The following PLXNA2 variants were observed in gnomAD, a reference collection of about 807,000 sequenced individuals.
The protein encoded by PLXNA2 is plexin A2.
Under a neutral mutation model 193.5 loss-of-function variants are expected in PLXNA2, and 91 were observed. The observed-to-expected ratio is 0.47, with a 90% CI of 0.40 to 0.56. The LOEUF (loss-of-function observed/expected upper bound fraction) is 0.56. PLXNA2 is among the 20% of genes least tolerant of loss of function. The pLI is 0.00. For missense variants in PLXNA2, 1,995 were observed against 2,503.2 expected (o/e 0.80, Z 4.33); for synonymous variants, 997 against 1,027.3 (o/e 0.97, Z 0.56).
At chr1:208,050,917 G>C (rs138160032) in intron 17 of PLXNA2, 92 bp downstream of exon 17, 1 of 863,648 alleles carries the variant, frequency 1.2e-6, no homozygotes, top group Non-Finnish European at 1.9e-6. Context: ...GTATTCAGAG[G>C]CTCCAGTGCC....
At chr1:208,162,063 G>A (rs978608138) in intron 3 of PLXNA2, among the ~76,000 whole-genome samples, 7 of 152,316 alleles carry the variant, frequency 4.6e-5, no homozygotes, top group South Asian at 2.1e-4. Context: ...GAGGCCAAGC[G>A]TAAATCCTGC....
At chr1:208,215,618 A>AGATG (rs575256326) in intron 2 of PLXNA2, among the ~76,000 whole-genome samples, 2 of 151,546 alleles carry the variant, frequency 1.3e-5, no homozygotes, top group East Asian at 2.0e-4. Context: ...ATAGGTGAAT[A>AGATG]GATGGATGGA....
At chr1:208,222,785 A>G (rs887471259) in intron 1 of PLXNA2, among the ~76,000 whole-genome samples, 3 of 152,142 alleles carry the variant, frequency 2.0e-5, no homozygotes, top group Non-Finnish European at 2.9e-5. Flanking sequence ...GCTGGTGGAA[A>G]GAGAATTTAG....
chr1:208,182,470 T>G (rs1334845190), intron 3 of PLXNA2, among the ~76,000 whole-genome samples: 1 of 151,802 alleles, frequency 6.6e-6, no homozygotes, highest in Non-Finnish European at 1.5e-5. Context: ...AAAAAAGAAA[T>G]CAGAACCACC....
At chr1:208,109,542 ATCTC>A (rs1667394621) in intron 4 of PLXNA2, among the ~76,000 whole-genome samples, 2 of 152,232 alleles carry the variant, frequency 1.3e-5, no homozygotes, top group African/African-American at 4.8e-5. Context: ...CACACACATT[ATCTC>A]ATTTGATCTG....
At chr1:208,199,520 G>A (rs1254352526) in intron 3 of PLXNA2, among the ~76,000 whole-genome samples, 33 of 151,960 alleles carry the variant, frequency 2.2e-4, no homozygotes, top group Middle Eastern at 3.2e-3. Flanking sequence ...TTGAAACCCC[G>A]TCTCTACTAA....
At chr1:208,074,226 A>G (rs1666069082) in intron 12 of PLXNA2, among the ~76,000 whole-genome samples, 1 of 152,108 alleles carries the variant, frequency 6.6e-6, no homozygotes, top group African/African-American at 2.4e-5. Context: ...TGTGGCTCCT[A>G]ACACCCTCCT....
intron 8 of PLXNA2, among the ~76,000 whole-genome samples, chr1:208,094,013 C>CAT (rs1038907157): frequency 6.6e-6 from 1 of 152,158 alleles, no homozygotes; most frequent in Non-Finnish European, 1.5e-5. Context: ...GCTCACAGGC[C>CAT]ATAGTATGTT....
At chr1:208,112,650 C>T (rs1400648994) in intron 4 of PLXNA2, among the ~76,000 whole-genome samples, 1 of 152,124 alleles carries the variant, frequency 6.6e-6, no homozygotes, top group African/African-American at 2.4e-5. Context: ...TGAAGCCACC[C>T]GGCCTCTTGG....
intron 12 of PLXNA2, among the ~76,000 whole-genome samples, chr1:208,075,439 A>T (rs754552517): frequency 2.4e-4 from 36 of 152,300 alleles, no homozygotes; most frequent in Admixed American, 5.2e-4. Flanking sequence ...AAGGTACATG[A>T]GGTTGATTTT....
Position 208,027,329 on chromosome 1 carries a change from C to A in PLXNA2, c.5599G>T (p.Ala1867Ser), listed in dbSNP as rs763449314. The A allele has an allele frequency of 6.2e-7, 1 of 1,612,716 alleles. No homozygotes were observed. Among genetic ancestry groups the A allele is most frequent in the Non-Finnish European group, 8.5e-7 (1 of 1,179,890 alleles). Residue 1867 changes from alanine to serine, a missense_variant, in exon 32 of 32, where the codon GCC becomes TCC. This residue lies in a region of PLXNA2 where 1,291 missense variants were observed against 1,673.6 expected (regional missense o/e 0.77). Transcript: ENST00000367033. Reference protein sequence around the residue: ...VSKYSEELIGALEQDEQARRQ... With the variant: ...VSKYSEELIGSLEQDEQARRQ... Reference sequence around the variant, plus strand: ...CGTGCCTGCTCATCCTGCTCTAGGGCCCCGATGAGCTGAGGAGCAAAAACA... The same window carrying A: ...CGTGCCTGCTCATCCTGCTCTAGGGACCCGATGAGCTGAGGAGCAAAAACA...
chr1:208,077,592 G>T (rs908450137), intron 12 of PLXNA2, among the ~76,000 whole-genome samples: 5 of 152,310 alleles, frequency 3.3e-5, no homozygotes, highest in African/African-American at 1.2e-4. Context: ...AACTGCAGCA[G>T]CAAGAATTAC....
chr1:208,083,292 T>A (rs1447923488), intron 10 of PLXNA2, among the ~76,000 whole-genome samples: 1 of 152,138 alleles, frequency 6.6e-6, no homozygotes, highest in Non-Finnish European at 1.5e-5. Flanking sequence ...CTTGTGCTGA[T>A]CCCACAGAAG....
rs527903116 is a variant in PLXNA2 at position 208,157,922 on chromosome 1, A to C, written c.1372-15459T>G. ...AGAAAGCCCCATCTTCAGGCCACAG[A>C]GGAGACTCAAGATCACTAGGAGCCC... On this transcript the variant is annotated intron_variant, in intron 3 of 31. Coordinates refer to ENST00000367033, the MANE Select transcript of PLXNA2 (RefSeq NM_025179.4). Among the ~76,000 whole-genome samples, 71 of 152,236 alleles carry C rather than the reference A, an allele frequency of 4.7e-4. 1 individual carries two copies. Among genetic ancestry groups the C allele is most frequent in the Non-Finnish European group, 6.2e-4 (42 of 68,038 alleles).
intron 4 of PLXNA2, among the ~76,000 whole-genome samples, chr1:208,115,570 A>G (rs148629786): frequency 5.3e-4 from 80 of 152,292 alleles, no homozygotes; most frequent in Non-Finnish European, 1.0e-3. Flanking sequence ...GACATGAAGG[A>G]TGGCATGGGT....
At chr1:208,210,078 C>A in intron 3 of PLXNA2, 1 of 453,288 alleles carries the variant, frequency 2.2e-6, no homozygotes, top group Non-Finnish European at 4.1e-6. Context: ...GCATTCCTTA[C>A]ATACCCAATG....
chr1:208,240,759 A>C (rs1468494456), intron 1 of PLXNA2, among the ~76,000 whole-genome samples: 1 of 106,556 alleles, frequency 9.4e-6, no homozygotes, highest in Non-Finnish European at 1.7e-5. Context: ...TATGATCAGA[A>C]TGGGGGTGGG....
chr1:208,213,460 T>A (rs1313844744), intron 2 of PLXNA2, among the ~76,000 whole-genome samples: 1 of 152,216 alleles, frequency 6.6e-6, no homozygotes, highest in Non-Finnish European at 1.5e-5. Context: ...TGTTTTTTAA[T>A]CTGTAAAATG....
At chr1:208,102,619 T>C (rs1489810387) in intron 5 of PLXNA2, among the ~76,000 whole-genome samples, 2 of 152,238 alleles carry the variant, frequency 1.3e-5, no homozygotes, top group African/African-American at 2.4e-5. Context: ...TACCAAAGCA[T>C]TTATTATTTC....
Sources: gnomAD v4.1 joint callset for allele counts (sites outside exome capture counted in the v4.1 genomes callset) on GRCh38, gnomAD v4.1.1 for gene constraint, gnomAD v4.1.1 regional missense constraint, MANE v1.5 for transcripts, NCBI Gene and HGNC (gene_info 2026-07-23, HGNC 2026-07-21) for gene names.